Variants in NDST4 observed in about 807,000 individuals in gnomAD.
NDST4 encodes N-heparan sulfate sulfotransferase 4.
A neutral mutation model predicts 100.8 loss-of-function variants in NDST4; 63 were observed. The observed-to-expected ratio is 0.62, with a 90% CI of 0.51 to 0.77. The LOEUF (loss-of-function observed/expected upper bound fraction) is 0.77, where lower values mean the gene tolerates loss of function less well. NDST4 is among the 30% of genes least tolerant of loss of function. The pLI is 0.00. For synonymous variants in NDST4, 377 were observed against 361.8 expected (o/e 1.04, Z -0.48); for missense variants, 943 against 1,018.4 (o/e 0.93, Z 1.01).
chr4:114,839,302 A>T, intron 11 of NDST4, 76 bp downstream of exon 11: 3 of 1,361,110 alleles, frequency 2.2e-6, no homozygotes, highest in Non-Finnish European at 3.0e-6. Context: ...AAGTAATTTC[A>T]GGACATTATA....
At chr4:114,838,390 T>C (rs549594197) in intron 11 of NDST4, among the ~76,000 whole-genome samples, 2 of 152,176 alleles carry the variant, frequency 1.3e-5, no homozygotes, top group African/African-American at 4.8e-5. Flanking sequence ...TGCAGCACTA[T>C]TCACAATAGC....
intron 4 of NDST4, among the ~76,000 whole-genome samples, chr4:114,938,798 A>G (rs901945107): frequency 6.6e-6 from 1 of 152,174 alleles, no homozygotes; most frequent in African/African-American, 2.4e-5. Context: ...AATGACCCTC[A>G]TTGTATAGCC....
At chr4:114,889,723 C>T (rs1235128567) in intron 6 of NDST4, among the ~76,000 whole-genome samples, 1 of 152,128 alleles carries the variant, frequency 6.6e-6, no homozygotes, top group East Asian at 1.9e-4. Flanking sequence ...GGGAGACAGC[C>T]TTGACTGGGG....
At chr4:114,849,113 A>C (rs1219838144) in intron 8 of NDST4, among the ~76,000 whole-genome samples, 1 of 152,244 alleles carries the variant, frequency 6.6e-6, no homozygotes, top group African/African-American at 2.4e-5. Flanking sequence ...AAATATGACA[A>C]GTCTGATAAT....
At chr4:115,041,001 A>G (rs990916336) in intron 2 of NDST4, among the ~76,000 whole-genome samples, 1 of 152,078 alleles carries the variant, frequency 6.6e-6, no homozygotes, top group Non-Finnish European at 1.5e-5. Flanking sequence ...CCTTTCCTTT[A>G]TGAACTCTAC....
At chr4:115,032,096 T>C (rs116134214) in intron 2 of NDST4, among the ~76,000 whole-genome samples, 2,253 of 152,198 alleles carry the variant, frequency 0.015, 65 homozygotes, top group African/African-American at 0.051. Context: ...ACTTTAAAAT[T>C]GATTTTGGAA....
At chr4:114,889,285 AT>A (rs1553951591) in intron 6 of NDST4, among the ~76,000 whole-genome samples, 1 of 152,156 alleles carries the variant, frequency 6.6e-6, no homozygotes, top group Non-Finnish European at 1.5e-5. Context: ...ATTTTAGTGC[AT>A]TTTACATTTA....
chr4:114,926,676 G>A lies in NDST4; in HGVS notation c.1536+8530C>T, dbSNP rs563905354. ...AATGTGAATCCTCAAACTGAGTGCT[G>A]AAGAAATAAAGAAACAATACTGGCT... On this transcript the variant is annotated intron_variant, in intron 6 of 13. Transcript: ENST00000264363. Among the ~76,000 whole-genome samples the A allele has an allele frequency of 5.3e-5, 8 of 152,220 alleles. No individual in the cohort carries two copies. In the South Asian group the frequency reaches 1.7e-3, roughly 32 times the overall value.
At chr4:114,861,712 A>G (rs1002666556) in intron 7 of NDST4, among the ~76,000 whole-genome samples, 12 of 152,046 alleles carry the variant, frequency 7.9e-5, no homozygotes, top group South Asian at 2.1e-4. Context: ...TTGCCCTACT[A>G]GATTACCTGA....
intron 1 of NDST4, among the ~76,000 whole-genome samples, chr4:115,087,643 T>G (rs575251638): frequency 6.6e-6 from 1 of 152,062 alleles, no homozygotes; most frequent in South Asian, 2.1e-4. Flanking sequence ...TCTTGATTTT[T>G]TTTCACTCCA....
At position 114,948,497 on chromosome 4, in the gene NDST4, T is replaced by A. The variant is rs186217923; in HGVS notation, c.1222-10994A>T. Among the ~76,000 whole-genome samples the A allele has an allele frequency of 2.6e-5, 4 of 152,152 alleles. No individual in the cohort carries two copies. The East Asian group carries it at 7.7e-4, about 29-fold the overall frequency. On this transcript the variant is annotated intron_variant, in intron 4 of 13. Coordinates refer to ENST00000264363, the MANE Select transcript of NDST4 (RefSeq NM_022569.3). ...TTTCATTTACTTGAGTAACTGGCCA[T>A]ATAGATTATTAAATAATTATATTTT...
chr4:114,854,588 C>A (rs891666158), intron 7 of NDST4, among the ~76,000 whole-genome samples: 7 of 152,144 alleles, frequency 4.6e-5, no homozygotes, highest in Admixed American at 2.0e-4. Context: ...CCTGCCCCAG[C>A]CTCCCGAGTA....
intron 2 of NDST4, among the ~76,000 whole-genome samples, chr4:114,986,793 C>CGT (rs1553959381): frequency 1.1e-5 from 1 of 91,148 alleles, no homozygotes; most frequent in Non-Finnish European, 2.0e-5. Context: ...TCCAATTATA[C>CGT]ATATATATAT....
At chr4:114,988,694 A>G (rs931724025) in intron 2 of NDST4, among the ~76,000 whole-genome samples, 3 of 151,956 alleles carry the variant, frequency 2.0e-5, no homozygotes, top group African/African-American at 7.2e-5. Flanking sequence ...CCCCAAAACC[A>G]CTTTCAAAGG....
At chr4:115,097,531 A>G (rs1262797494) in intron 1 of NDST4, among the ~76,000 whole-genome samples, 1 of 152,056 alleles carries the variant, frequency 6.6e-6, no homozygotes, top group Non-Finnish European at 1.5e-5. Flanking sequence ...ATATATCTTG[A>G]ATCTGAACAT....
At chr4:114,852,641 A>T in intron 8 of NDST4, 84 bp downstream of exon 8, 1 of 722,360 alleles carries the variant, frequency 1.4e-6, no homozygotes. Flanking sequence ...ACAAAGAAAA[A>T]TCTAATCTGA....
chr4:114,937,312 G>A lies in NDST4; in HGVS notation c.1407+6C>T. On this transcript the variant is annotated splice_donor_region_variant and intron_variant, in intron 5 of 13. Coordinates refer to ENST00000264363, the MANE Select transcript of NDST4 (RefSeq NM_022569.3). ...TCCTTCAATATACATGGCTCTCTGT[G>A]CTCACCATGATGCTATTGTGAATGA... 6.2e-7 allele frequency: 1 copy of A among 1,613,684 alleles called. No individual in the cohort carries two copies. Among genetic ancestry groups the A allele is most frequent in the South Asian group, 1.1e-5 (1 of 91,064 alleles).
chr4:114,977,894 A>G (rs1182487105), intron 2 of NDST4, among the ~76,000 whole-genome samples: 1 of 151,984 alleles, frequency 6.6e-6, no homozygotes, highest in Non-Finnish European at 1.5e-5. Flanking sequence ...AAATTTTCTA[A>G]ATGTGACAAA....
chr4:114,850,791 A>G lies in NDST4; in HGVS notation c.1816+1934T>C, dbSNP rs571570973. ...CTCTTATAATTGTTGTGCTAAATGTAACCCTATGAGAATCCTCTTTTTACA... is the reference window on the plus strand; with the variant it reads ...CTCTTATAATTGTTGTGCTAAATGTGACCCTATGAGAATCCTCTTTTTACA... On this transcript the variant is annotated intron_variant, in intron 8 of 13. Coordinates refer to ENST00000264363, the MANE Select transcript of NDST4 (RefSeq NM_022569.3). Among the ~76,000 whole-genome samples the G allele has an allele frequency of 3.3e-5, 5 of 152,294 alleles. No homozygotes were observed. The East Asian group carries it at 9.6e-4, about 29-fold the overall frequency.
Sources: gnomAD v4.1 joint callset for allele counts (sites outside exome capture counted in the v4.1 genomes callset) on GRCh38, gnomAD v4.1.1 for gene constraint, MANE v1.5 for transcripts, NCBI Gene and HGNC (gene_info 2026-07-23, HGNC 2026-07-21) for gene names.